BRINP3: variants seen among roughly 807,000 people sequenced by gnomAD.
BRINP3 encodes BMP/retinoic acid inducible neural specific 3, also known as BMP/retinoic acid-inducible neural-specific protein 3.
A neutral mutation model predicts 71.0 loss-of-function variants in BRINP3; 19 were observed. That is an observed-to-expected ratio of 0.27 (90% CI 0.19 to 0.39). BRINP3 has a LOEUF of 0.39. Ranked by LOEUF, BRINP3 falls within the 10% of genes least tolerant of loss-of-function variation. The pLI is 1.00. For synonymous variants in BRINP3, 380 were observed against 337.7 expected (o/e 1.13, Z -1.37); for missense variants, 959 against 940.8 (o/e 1.02, Z -0.25).
chr1:190,402,910 A>T (rs1001310247), intron 2 of BRINP3, among the ~76,000 whole-genome samples: 1 of 152,000 alleles, frequency 6.6e-6, no homozygotes, highest in Non-Finnish European at 1.5e-5. Context: ...AATTTTTGGT[A>T]GACACGGTGT....
intron 1 of BRINP3, among the ~76,000 whole-genome samples, chr1:190,458,196 A>G (rs1421948910): frequency 6.6e-6 from 1 of 152,096 alleles, no homozygotes. Flanking sequence ...GTACAGAAAT[A>G]ATTTTTTTCT....
chr1:190,311,898 G>T (rs1238051921), intron 2 of BRINP3, among the ~76,000 whole-genome samples: 1 of 149,876 alleles, frequency 6.7e-6, no homozygotes, highest in African/African-American at 2.4e-5. Context: ...AGTGCCAGGA[G>T]AGTAAATACT....
At chr1:190,313,422 G>A (rs1378486396) in intron 2 of BRINP3, among the ~76,000 whole-genome samples, 1 of 151,970 alleles carries the variant, frequency 6.6e-6, no homozygotes, top group Non-Finnish European at 1.5e-5. Context: ...CCTGCAAGTG[G>A]TAAAAATGGT....
chr1:190,278,516 A>G (rs1238481008), intron 3 of BRINP3, among the ~76,000 whole-genome samples: 1 of 151,742 alleles, frequency 6.6e-6, no homozygotes, highest in African/African-American at 2.4e-5. Flanking sequence ...TTTCTGGTAT[A>G]CATTTTAATC....
chr1:190,391,306 G>C (rs1671237866), intron 2 of BRINP3, among the ~76,000 whole-genome samples: 1 of 151,716 alleles, frequency 6.6e-6, no homozygotes, highest in Non-Finnish European at 1.5e-5. Flanking sequence ...TAAGCTTTTA[G>C]AATGAAGAGA....
intron 6 of BRINP3, among the ~76,000 whole-genome samples, chr1:190,172,131 G>T (rs1467959623): frequency 6.8e-6 from 1 of 147,438 alleles, no homozygotes; most frequent in African/African-American, 2.5e-5. Context: ...TTTCTTTCTT[G>T]CAGTAGTTTT....
intron 2 of BRINP3, among the ~76,000 whole-genome samples, chr1:190,361,631 T>C (rs1669153739): frequency 6.6e-6 from 1 of 152,100 alleles, no homozygotes. Flanking sequence ...CTCAATCTCT[T>C]GACCTCGTGA....
At chr1:190,387,001 C>T (rs10429905) in intron 2 of BRINP3, among the ~76,000 whole-genome samples, 26,577 of 151,844 alleles carry the variant, frequency 0.18, 2,357 homozygotes, top group Middle Eastern at 0.22. Flanking sequence ...AAAAATGTCA[C>T]CTCTTAGTGT....
chr1:190,403,065 A>G (rs1672037313), intron 2 of BRINP3, among the ~76,000 whole-genome samples: 1 of 152,156 alleles, frequency 6.6e-6, no homozygotes, highest in South Asian at 2.1e-4. Context: ...TACATTCACA[A>G]AGTTCTCCAA....
At chr1:190,218,044 T>G (rs571611077) in intron 6 of BRINP3, among the ~76,000 whole-genome samples, 1 of 152,152 alleles carries the variant, frequency 6.6e-6, no homozygotes, top group Admixed American at 6.6e-5. Context: ...GCTAATTTTT[T>G]ATTTTATTAA....
intron 2 of BRINP3, among the ~76,000 whole-genome samples, chr1:190,314,943 G>A (rs1293587237): frequency 6.6e-6 from 1 of 152,062 alleles, no homozygotes; most frequent in African/African-American, 2.4e-5. Context: ...GTTATTCATG[G>A]TCAGGTTGAT....
chr1:190,265,078 T>G (rs762907532), intron 3 of BRINP3, 23 bp from the exon 4 acceptor site: 1 of 1,569,236 alleles, frequency 6.4e-7, no homozygotes, highest in East Asian at 2.3e-5. Flanking sequence ...TATTTCAAAT[T>G]ATTCAATTTT....
chr1:190,411,251 A>T (rs1672643821), intron 2 of BRINP3, among the ~76,000 whole-genome samples: 1 of 152,166 alleles, frequency 6.6e-6, no homozygotes, highest in Admixed American at 6.5e-5. Flanking sequence ...TTTATTAGGA[A>T]GAAAAAAGAA....
chr1:190,199,617 G>A (rs1386173793), intron 6 of BRINP3, among the ~76,000 whole-genome samples: 3 of 152,036 alleles, frequency 2.0e-5, no homozygotes, highest in Non-Finnish European at 2.9e-5. Context: ...TGTAGTCTAA[G>A]GTTATTGGAT....
chr1:190,137,129 T>G (rs1408192860), intron 7 of BRINP3, among the ~76,000 whole-genome samples: 1 of 152,060 alleles, frequency 6.6e-6, no homozygotes, highest in Non-Finnish European at 1.5e-5. Flanking sequence ...AACATGACTC[T>G]TTTCGAATAA....
intron 2 of BRINP3, among the ~76,000 whole-genome samples, chr1:190,318,357 A>T (rs927199206): frequency 5.3e-5 from 8 of 152,098 alleles, no homozygotes; most frequent in South Asian, 2.1e-4. Context: ...AAGAACTTAG[A>T]TGCAATAGTT....
At chr1:190,249,685 C>T (rs751886815) in intron 4 of BRINP3, among the ~76,000 whole-genome samples, 6 of 151,614 alleles carry the variant, frequency 4.0e-5, no homozygotes, top group Non-Finnish European at 7.4e-5. Flanking sequence ...AATGTGAACG[C>T]GTTTGAGAAT....
intron 1 of BRINP3, among the ~76,000 whole-genome samples, chr1:190,470,454 T>C (rs1677061915): frequency 6.6e-6 from 1 of 151,104 alleles, no homozygotes; most frequent in South Asian, 2.1e-4. Context: ...TATTAGCTAT[T>C]AAAAGGAATT....
chr1:190,381,774 G>A (rs79070016), intron 2 of BRINP3, among the ~76,000 whole-genome samples: 74 of 152,076 alleles, frequency 4.9e-4, no homozygotes, highest in African/African-American at 1.7e-3. Context: ...TAACACACAC[G>A]GATGACTTGT....
Sources: gnomAD v4.1 joint callset for allele counts (sites outside exome capture counted in the v4.1 genomes callset) on GRCh38, gnomAD v4.1.1 for gene constraint, MANE v1.5 for transcripts, NCBI Gene and HGNC (gene_info 2026-07-23, HGNC 2026-07-21) for gene names.